The following NEGR1 variants were observed in gnomAD, a reference collection of about 807,000 sequenced individuals.
NEGR1 encodes neuronal growth regulator 1.
NEGR1 carries 10 observed loss-of-function variants against 40.9 expected under a neutral mutation model. The observed-to-expected ratio is 0.24, with a 90% CI of 0.15 to 0.42. NEGR1 has a LOEUF of 0.42. Among genes scored for constraint, NEGR1 ranks in the 10% least tolerant of loss-of-function variants. The pLI, the probability that NEGR1 is intolerant of heterozygous loss-of-function variation, is 1.00. For synonymous variants in NEGR1, 185 were observed against 166.8 expected (o/e 1.11, Z -0.84); for missense variants, 352 against 438.9 (o/e 0.80, Z 1.77).
intron 4 of NEGR1, among the ~76,000 whole-genome samples, chr1:71,683,277 A>G (rs1278550508): frequency 6.7e-6 from 1 of 149,262 alleles, no homozygotes; most frequent in Admixed American, 6.7e-5. Flanking sequence ...GATCTCCTCT[A>G]GTTTTAAAGA....
intron 6 of NEGR1, among the ~76,000 whole-genome samples, chr1:71,478,245 A>G (rs1646834379): frequency 6.6e-6 from 1 of 152,048 alleles, no homozygotes; most frequent in African/African-American, 2.4e-5. Flanking sequence ...AATGCTAAAC[A>G]TAGTATTCTC....
intron 2 of NEGR1, among the ~76,000 whole-genome samples, chr1:71,918,540 T>C (rs1384664449): frequency 6.6e-6 from 1 of 152,162 alleles, no homozygotes; most frequent in Non-Finnish European, 1.5e-5. Flanking sequence ...AATTTTTTAT[T>C]TGTTCAGAGC....
intron 1 of NEGR1, among the ~76,000 whole-genome samples, chr1:71,952,220 G>A (rs1336085206): frequency 6.6e-6 from 1 of 151,978 alleles, no homozygotes; most frequent in Non-Finnish European, 1.5e-5. Flanking sequence ...TAGGTTTCTT[G>A]TCCCAAACAG....
intron 6 of NEGR1, among the ~76,000 whole-genome samples, chr1:71,481,834 T>C (rs1435989482): frequency 6.6e-6 from 1 of 151,942 alleles, no homozygotes; most frequent in East Asian, 1.9e-4. Flanking sequence ...GCAGAAATGC[T>C]TTTTAGTCAC....
intron 1 of NEGR1, among the ~76,000 whole-genome samples, chr1:72,132,049 A>G (rs950065076): frequency 1.3e-5 from 2 of 152,194 alleles, no homozygotes; most frequent in Non-Finnish European, 2.9e-5. Flanking sequence ...CAGTGAGCCT[A>G]GATTCCACCA....
rs1646224327 is a variant in NEGR1 at position 71,398,181 on chromosome 1, C to T, written c.*9265G>A. 1.3e-5 allele frequency: 2 copies of T among 152,388 alleles called. No homozygotes were observed. The highest frequency in any genetic ancestry group is 2.1e-4 in the South Asian group (1 of 4,832). The allele number at this position is 152,388 out of a possible 1,614,324, so 9.4% of individuals were successfully genotyped here. A position where few individuals can be genotyped will look rare whatever the true frequency, so the allele number is the denominator to read the frequency against. On this transcript the variant is annotated 3_prime_UTR_variant, in exon 7 of 7. Coordinates refer to ENST00000357731, the MANE Select transcript of NEGR1 (RefSeq NM_173808.3). Reference sequence around the variant, plus strand: ...TGCAGAAGGAAAATGTGGAGTGAGCCCCACACAGAGTCCCTACTGGGACAC... The same window carrying T: ...TGCAGAAGGAAAATGTGGAGTGAGCTCCACACAGAGTCCCTACTGGGACAC...
At chr1:71,555,665 G>T (rs1041761261) in intron 6 of NEGR1, among the ~76,000 whole-genome samples, 1 of 151,520 alleles carries the variant, frequency 6.6e-6, no homozygotes, top group Non-Finnish European at 1.5e-5. Flanking sequence ...TAAGTCACTC[G>T]TGAACATAAG....
intron 2 of NEGR1, among the ~76,000 whole-genome samples, chr1:71,922,628 T>C (rs1172594393): frequency 6.6e-6 from 1 of 152,186 alleles, no homozygotes; most frequent in Non-Finnish European, 1.5e-5. Flanking sequence ...AAAGATCACT[T>C]GGAATCAGTG....
At chr1:72,204,420 A>C (rs59478426) in intron 1 of NEGR1, among the ~76,000 whole-genome samples, 338 of 152,248 alleles carry the variant, frequency 2.2e-3, no homozygotes, top group African/African-American at 7.8e-3. Flanking sequence ...TCAGCCAATA[A>C]ATGCTAACAA....
chr1:71,939,416 G>C (rs955561627), intron 1 of NEGR1, among the ~76,000 whole-genome samples: 2 of 152,092 alleles, frequency 1.3e-5, no homozygotes, highest in Non-Finnish European at 2.9e-5. Context: ...AAATGTAAGC[G>C]TGTGTTGAGT....
chr1:71,938,269 C>G (rs1006608918), intron 1 of NEGR1, among the ~76,000 whole-genome samples: 1 of 152,124 alleles, frequency 6.6e-6, no homozygotes, highest in Admixed American at 6.6e-5. Context: ...AATAGCAAGT[C>G]TACGTAGACT....
chr1:71,536,111 AAAG>A (rs56899650), intron 6 of NEGR1, among the ~76,000 whole-genome samples: 3,657 of 151,880 alleles, frequency 0.024, 150 homozygotes, highest in African/African-American at 0.084. Flanking sequence ...AAGTAGAAGC[AAAG>A]AAGAATGGCA....
At chr1:71,567,940 C>T (rs558251643) in intron 6 of NEGR1, among the ~76,000 whole-genome samples, 2 of 152,086 alleles carry the variant, frequency 1.3e-5, no homozygotes, top group Admixed American at 1.3e-4. Context: ...CTCACCCGAA[C>T]CTGACATCTT....
chr1:71,513,905 C>T lies in NEGR1; in HGVS notation c.940+78912G>A, dbSNP rs1463882520. Among the ~76,000 whole-genome samples the T allele has an allele frequency of 1.2e-4, 17 of 146,954 alleles. No individual in the cohort carries two copies. The East Asian group carries it at 3.3e-3, about 29-fold the overall frequency. On this transcript the variant is annotated intron_variant, in intron 6 of 6. Transcript: ENST00000357731. ...GCCGAAGCAGGGCGAGGCATTGCCT[C>T]ACCTGGGAAGCGCAAGGGGTCAGGG...
At chr1:71,793,962 A>G (rs1297126288) in intron 2 of NEGR1, among the ~76,000 whole-genome samples, 1 of 152,152 alleles carries the variant, frequency 6.6e-6, no homozygotes, top group African/African-American at 2.4e-5. Flanking sequence ...AATGTGAGGC[A>G]TATTTCATTA....
At chr1:71,913,575 A>T (rs1482404162) in intron 2 of NEGR1, among the ~76,000 whole-genome samples, 1 of 152,208 alleles carries the variant, frequency 6.6e-6, no homozygotes, top group African/African-American at 2.4e-5. Flanking sequence ...ATTTTGAAGG[A>T]TGAGGAAATA....
intron 1 of NEGR1, among the ~76,000 whole-genome samples, chr1:72,174,377 C>G (rs1652084495): frequency 6.6e-6 from 1 of 152,150 alleles, no homozygotes; most frequent in Non-Finnish European, 1.5e-5. Flanking sequence ...AGGGCTTTCT[C>G]TTGGAGTTGG....
chr1:71,875,990 T>C (rs1162946426), intron 2 of NEGR1, among the ~76,000 whole-genome samples: 4 of 152,152 alleles, frequency 2.6e-5, no homozygotes, highest in Non-Finnish European at 5.9e-5. Context: ...ACGTTATTTT[T>C]CTTATTTAGT....
intron 1 of NEGR1, among the ~76,000 whole-genome samples, chr1:72,012,158 G>A (rs1195014308): frequency 6.6e-6 from 1 of 152,120 alleles, no homozygotes; most frequent in African/African-American, 2.4e-5. Flanking sequence ...GGTGAAGACA[G>A]TATTTGAGAT....
Sources: allele counts gnomAD v4.1 joint callset (sites outside exome capture counted in the v4.1 genomes callset), GRCh38; gene constraint gnomAD v4.1.1; transcripts MANE v1.5; gene names NCBI Gene and HGNC (gene_info 2026-07-23, HGNC 2026-07-21).